AK3: variants seen among roughly 807,000 people sequenced by gnomAD.
AK3 encodes the protein adenylate kinase 3.
AK3 carries 27 observed loss-of-function variants against 23.7 expected under a neutral mutation model. The observed-to-expected ratio is 1.14, with a 90% CI of 0.84 to 1.57. The LOEUF is 1.57. AK3 is among the 40% of genes most tolerant of loss of function. The probability of loss-of-function intolerance (pLI) is 0.00; values close to 1 mark genes in which losing one functional copy is unlikely to be tolerated. For missense variants in AK3, 406 were observed against 285.6 expected, an observed-to-expected ratio of 1.42 and a Z score of -3.04; for synonymous variants, 159 against 116.0, an observed-to-expected ratio of 1.37 and a Z score of -2.38.
chr9:4,737,316 G>T (rs1328878489), intron 1 of AK3, among the ~76,000 whole-genome samples: 1 of 152,126 alleles, frequency 6.6e-6, no homozygotes, highest in African/African-American at 2.4e-5. Flanking sequence ...TCTAATTCAT[G>T]TCTATCTCAT....
chr9:4,731,314 A>G (rs1842147342), intron 1 of AK3, among the ~76,000 whole-genome samples: 1 of 151,990 alleles, frequency 6.6e-6, no homozygotes, highest in Admixed American at 6.6e-5. Flanking sequence ...TGTTCCCTCT[A>G]TGCGTCCATG....
At chr9:4,726,048 C>A (rs1042665664) in intron 1 of AK3, among the ~76,000 whole-genome samples, 6 of 152,040 alleles carry the variant, frequency 3.9e-5, no homozygotes, top group African/African-American at 1.2e-4. Flanking sequence ...CTATTAAGTG[C>A]AATAGCATTA....
chr9:4,725,177 C>A (rs1841995348), intron 1 of AK3, among the ~76,000 whole-genome samples: 1 of 151,968 alleles, frequency 6.6e-6, no homozygotes, highest in South Asian at 2.1e-4. Flanking sequence ...GTGCCCACCA[C>A]CATGCCCAGC....
chr9:4,731,019 G>A (rs1842140776), intron 1 of AK3, among the ~76,000 whole-genome samples: 1 of 152,200 alleles, frequency 6.6e-6, no homozygotes, highest in Non-Finnish European at 1.5e-5. Context: ...TTACTTGGCT[G>A]GAAGGATGGT....
At chr9:4,723,364 T>C (rs1348193535) in intron 1 of AK3, among the ~76,000 whole-genome samples, 1 of 152,232 alleles carries the variant, frequency 6.6e-6, no homozygotes, top group Admixed American at 6.5e-5. Context: ...CCTGCTATCA[T>C]GTTATTGGAG....
chr9:4,715,425 C>T (rs1841700793), intron 4 of AK3, among the ~76,000 whole-genome samples: 2 of 145,486 alleles, frequency 1.4e-5, no homozygotes, highest in South Asian at 4.5e-4. Flanking sequence ...CAGGGTCTCA[C>T]TCTGACACCC....
intron 4 of AK3, among the ~76,000 whole-genome samples, chr9:4,714,053 C>CCTACACATTTACAG (rs1841644228): frequency 8.6e-6 from 1 of 116,896 alleles, no homozygotes. Flanking sequence ...CACATATACA[C>CCTACACATTTACAG]CTACACATAT....
At chr9:4,721,108 A>G (rs973338665) in intron 2 of AK3, among the ~76,000 whole-genome samples, 1 of 152,226 alleles carries the variant, frequency 6.6e-6, no homozygotes, top group Admixed American at 6.5e-5. Context: ...ATTTTGTTTT[A>G]AAAAGGAGAA....
intron 1 of AK3, among the ~76,000 whole-genome samples, chr9:4,737,740 AAGAG>A (rs1308963553): frequency 6.6e-6 from 1 of 152,058 alleles, no homozygotes; most frequent in Admixed American, 6.6e-5. Context: ...AATACAATAA[AAGAG>A]AGGACTGGAC....
Position 4,740,942 on chromosome 9 carries a change from C to A in AK3, c.146G>T (p.Gly49Val), listed in dbSNP as rs754243455. The stretch of plus-strand genomic sequence containing the variant: ...CCTGGGCCCAGAGCTCCCACCTGTG[C>A]CCCGCAGCATGTTGTCCCGGAGCAG... ...GDLLRDNMLR[G>V]TEIGVLAKAF... is the part of the protein sequence containing the mutation. The change falls in exon 1 of 5, where the codon GGC becomes GTC. Residue 49 changes from glycine (G) to valine (V), a missense_variant. By Grantham distance (109) the Gly-to-Val change is moderately radical. Transcript: ENST00000381809. The A allele has an allele frequency of 1.3e-6, 2 of 1,567,644 alleles. No individual in the cohort carries two copies. The highest frequency in any genetic ancestry group is 1.8e-5 in the Admixed American group (1 of 54,782).
chr9:4,713,873 T>C (rs544045729), intron 4 of AK3, among the ~76,000 whole-genome samples: 46 of 105,476 alleles, frequency 4.4e-4, no homozygotes, highest in Non-Finnish European at 5.8e-4. Context: ...CTCTTGCTAA[T>C]ACCCGTCCTC....
chr9:4,712,241 G>A lies in AK3; in HGVS notation c.*735C>T, dbSNP rs1339587641. The A allele has an allele frequency of 1.3e-5, 2 of 152,108 alleles. No individual in the cohort carries two copies. Among genetic ancestry groups the A allele is most frequent in the Non-Finnish European group, 2.9e-5 (2 of 68,002 alleles). 9.4% of individuals were successfully genotyped at this position (152,108 alleles called of 1,614,324 possible). On this transcript the variant is annotated 3_prime_UTR_variant, in exon 5 of 5. Coordinates refer to ENST00000381809, the MANE Select transcript of AK3 (RefSeq NM_016282.4). ...GAAAATTCATTCAACTTTGGTGCTT[G>A]TAAAAGCACTTATGTCAATTTTTGA...
Position 4,710,920 on chromosome 9 carries a change from GA to G in AK3, c.*2055del, listed in dbSNP as rs758861051. On this transcript the variant is annotated 3_prime_UTR_variant, in exon 5 of 5. Coordinates refer to ENST00000381809, the MANE Select transcript of AK3 (RefSeq NM_016282.4). ...GAGGCCCTGTCTAAAAAAAAATAAA[GA>G]AAAAAGTTGTATTACAGTCATATTC... The G allele has an allele frequency of 6.6e-6, 1 of 151,946 alleles. No homozygotes were observed. Among genetic ancestry groups the G allele is most frequent in the Non-Finnish European group, 1.5e-5 (1 of 67,966 alleles). 9.4% of individuals were successfully genotyped at this position (151,946 alleles called of 1,614,324 possible).
chr9:4,726,158 T>C (rs1224380431), intron 1 of AK3, among the ~76,000 whole-genome samples: 1 of 152,240 alleles, frequency 6.6e-6, no homozygotes, highest in Non-Finnish European at 1.5e-5. Flanking sequence ...ATCTTTTTGC[T>C]GATGGAGGGT....
intron 1 of AK3, among the ~76,000 whole-genome samples, chr9:4,723,206 T>C (rs77799372): frequency 0.059 from 9,020 of 152,280 alleles, 847 homozygotes; most frequent in African/African-American, 0.2. Flanking sequence ...CAGTAGTTAT[T>C]TCTGTGTGAT....
chr9:4,719,787 C>T lies in AK3; in HGVS notation c.272-480G>A, dbSNP rs146955556. The stretch of plus-strand genomic sequence containing the variant: ...TCTTCACCCAAATCCAGGGACTGGC[C>T]GGGCGCAGTGGCTCACACCTGTAAT... On this transcript the variant is annotated intron_variant, in intron 2 of 4. Coordinates refer to ENST00000381809, the MANE Select transcript of AK3 (RefSeq NM_016282.4). 9.0e-3 allele frequency among the ~76,000 whole-genome samples: 1,373 copies of T among 152,228 alleles called. 16 individuals carry two copies. Among genetic ancestry groups the T allele is most frequent in the African/African-American group, 0.032 (1,320 of 41,532 alleles).
intron 2 of AK3, among the ~76,000 whole-genome samples, chr9:4,720,526 A>T (rs1841867294): frequency 6.6e-6 from 1 of 151,984 alleles, no homozygotes; most frequent in Non-Finnish European, 1.5e-5. Context: ...TCTATAAATA[A>T]CAACGACAAC....
intron 1 of AK3, among the ~76,000 whole-genome samples, chr9:4,723,015 G>C (rs1032476517): frequency 6.6e-6 from 1 of 152,214 alleles, no homozygotes; most frequent in Admixed American, 6.5e-5. Flanking sequence ...AGGTTGCAGT[G>C]AGCCGAGATC....
chr9:4,738,916 C>G (rs545641338), intron 1 of AK3, among the ~76,000 whole-genome samples: 1 of 151,734 alleles, frequency 6.6e-6, no homozygotes, highest in Non-Finnish European at 1.5e-5. Flanking sequence ...GGACCACAGG[C>G]GCGAGCCACC....
Sources: gnomAD v4.1 joint callset for allele counts (sites outside exome capture counted in the v4.1 genomes callset) on GRCh38, gnomAD v4.1.1 for gene constraint, MANE v1.5 for transcripts, NCBI Gene and HGNC (gene_info 2026-07-23, HGNC 2026-07-21) for gene names.